The following DPP10 variants were observed in gnomAD, a reference collection of about 807,000 sequenced individuals.
The protein encoded by DPP10 is dipeptidyl peptidase like 10, also known as inactive dipeptidyl peptidase 10.
DPP10 carries 33 observed loss-of-function variants against 120.9 expected under a neutral mutation model. The observed-to-expected ratio is 0.27, with a 90% confidence interval of 0.21 to 0.37. The LOEUF is 0.37. Among genes scored for constraint, DPP10 ranks in the 10% least tolerant of loss-of-function variants. The pLI, the probability that DPP10 is intolerant of heterozygous loss-of-function variation, is 1.00. For missense variants in DPP10, 816 were observed against 942.8 expected (o/e 0.87, Z 1.76); for synonymous variants, 337 against 326.1 (o/e 1.03, Z -0.36).
chr2:115,026,560 G>A (rs547625669), intron 1 of DPP10, among the ~76,000 whole-genome samples: 1 of 152,194 alleles, frequency 6.6e-6, no homozygotes, highest in African/African-American at 2.4e-5. Context: ...TTTTGAGACA[G>A]ACTCTCACTC....
At chr2:114,502,144 C>T (rs149219021) in intron 1 of DPP10, among the ~76,000 whole-genome samples, 1,849 of 151,910 alleles carry the variant, frequency 0.012, 36 homozygotes, top group African/African-American at 0.043. Context: ...TTAGTAGAGA[C>T]GGGGTTTATC....
intron 2 of DPP10, among the ~76,000 whole-genome samples, chr2:115,329,362 C>T (rs11885726): frequency 0.44 from 66,856 of 151,852 alleles, 15,665 homozygotes; most frequent in Non-Finnish European, 0.53. Context: ...ACCCAGGAAA[C>T]AAATTAAATT....
Position 114,533,772 on chromosome 2 carries a change from G to A in DPP10, c.60+90934G>A, listed in dbSNP as rs571220801. ...AATAATTTTCCTTCAAAATTTCAAAGGCATTTTTCAATGTTTCCTTTCAGG... is the reference window on the plus strand; with the variant it reads ...AATAATTTTCCTTCAAAATTTCAAAAGCATTTTTCAATGTTTCCTTTCAGG... On this transcript the variant is annotated intron_variant, in intron 1 of 25. Transcript: ENST00000410059. 2.2e-3 allele frequency among the ~76,000 whole-genome samples: 334 copies of A among 152,198 alleles called. 2 individuals carry two copies. The highest frequency in any genetic ancestry group is 3.1e-3 in the Non-Finnish European group (211 of 68,002).
chr2:115,279,818 C>T (rs546218102), intron 1 of DPP10, among the ~76,000 whole-genome samples: 10 of 151,638 alleles, frequency 6.6e-5, no homozygotes, highest in African/African-American at 1.7e-4. Context: ...CAGGGCACCA[C>T]GCCCAGCTAA....
chr2:115,356,518 C>T (rs1372361768), intron 3 of DPP10, among the ~76,000 whole-genome samples: 4 of 152,074 alleles, frequency 2.6e-5, no homozygotes, highest in Non-Finnish European at 5.9e-5. Flanking sequence ...AATTTGACTT[C>T]CTCTCTTCCT....
At chr2:115,556,161 A>T (rs1053691709) in intron 5 of DPP10, among the ~76,000 whole-genome samples, 1 of 152,072 alleles carries the variant, frequency 6.6e-6, no homozygotes, top group African/African-American at 2.4e-5. Flanking sequence ...AGTGGTAAAG[A>T]TGAGCAACCT....
At chr2:115,568,320 G>C (rs1020443144) in intron 5 of DPP10, among the ~76,000 whole-genome samples, 3 of 151,976 alleles carry the variant, frequency 2.0e-5, no homozygotes, top group Non-Finnish European at 2.9e-5. Context: ...CCATGTCTAG[G>C]AAAAATACAA....
chr2:114,626,540 G>A (rs1390830053), intron 1 of DPP10, among the ~76,000 whole-genome samples: 1 of 151,940 alleles, frequency 6.6e-6, no homozygotes. Flanking sequence ...GAATTTGGCG[G>A]GGTGGTCACT....
intron 1 of DPP10, among the ~76,000 whole-genome samples, chr2:114,493,631 G>GT (rs1682198642): frequency 6.6e-6 from 1 of 151,748 alleles, no homozygotes; most frequent in African/African-American, 2.4e-5. Context: ...TTTCGACTTG[G>GT]AAGACTGGAG....
intron 1 of DPP10, among the ~76,000 whole-genome samples, chr2:114,886,793 G>A (rs1203129646): frequency 6.6e-6 from 1 of 152,136 alleles, no homozygotes; most frequent in Non-Finnish European, 1.5e-5. Flanking sequence ...ATGTAGTCGA[G>A]GCCTTGCTCT....
chr2:115,183,699 A>T (rs1011762965), intron 1 of DPP10, among the ~76,000 whole-genome samples: 1 of 152,234 alleles, frequency 6.6e-6, no homozygotes. Context: ...AAAGCTGATA[A>T]AGTCAGAGTG....
chr2:114,960,447 T>C (rs1174139563), intron 1 of DPP10, among the ~76,000 whole-genome samples: 3 of 151,018 alleles, frequency 2.0e-5, no homozygotes, highest in African/African-American at 7.3e-5. Context: ...AACCAAAAAA[T>C]TGGGATACTA....
intron 1 of DPP10, among the ~76,000 whole-genome samples, chr2:114,854,542 A>G (rs1689221545): frequency 1.3e-5 from 2 of 152,168 alleles, no homozygotes; most frequent in South Asian, 4.1e-4. Context: ...CTTCAGGAAG[A>G]GTTTACCATC....
chr2:114,679,774 T>C (rs1429711195), intron 1 of DPP10, among the ~76,000 whole-genome samples: 4 of 152,038 alleles, frequency 2.6e-5, no homozygotes, highest in Admixed American at 2.6e-4. Flanking sequence ...TTCTCACTGA[T>C]TACAAGAATG....
intron 24 of DPP10, among the ~76,000 whole-genome samples, chr2:115,836,967 T>C (rs1340898871): frequency 6.6e-6 from 1 of 152,208 alleles, no homozygotes; most frequent in East Asian, 1.9e-4. Flanking sequence ...TCAAACTCCC[T>C]GTAATGATGG....
At chr2:115,083,011 AT>A (rs1328119766) in intron 1 of DPP10, among the ~76,000 whole-genome samples, 1 of 152,230 alleles carries the variant, frequency 6.6e-6, no homozygotes, top group African/African-American at 2.4e-5. Flanking sequence ...TAATGAGACT[AT>A]TTTACAGTAT....
rs548616812 is a variant in DPP10 at position 115,616,385 on chromosome 2, G to A, written c.442-73302G>A. ...CAGAGAATGAAGCCTCGCAACCATGGTTATGCCGCTACTATGTAAGGAATT... is the reference window on the plus strand; with the variant it reads ...CAGAGAATGAAGCCTCGCAACCATGATTATGCCGCTACTATGTAAGGAATT... On this transcript the variant is annotated intron_variant, in intron 5 of 25. Transcript: ENST00000410059. Among the ~76,000 whole-genome samples the A allele has an allele frequency of 2.6e-5, 4 of 151,544 alleles. No homozygotes were observed. In the East Asian group the frequency reaches 5.8e-4, roughly 22 times the overall value.
intron 7 of DPP10, among the ~76,000 whole-genome samples, chr2:115,717,647 G>T (rs2092538029): frequency 1.3e-5 from 2 of 152,092 alleles, no homozygotes; most frequent in Non-Finnish European, 2.9e-5. Flanking sequence ...CAAAGAGAAA[G>T]TTGGAATTTC....
rs181112702 is a variant in DPP10 at position 114,754,723 on chromosome 2, G to A, written c.60+311885G>A. Among the ~76,000 whole-genome samples the A allele has an allele frequency of 5.3e-4, 80 of 151,936 alleles. 1 individual carries two copies. The highest frequency in any genetic ancestry group is 3.4e-3 in the Middle Eastern group (1 of 294). On this transcript the variant is annotated intron_variant, in intron 1 of 25. Transcript: ENST00000410059. The stretch of plus-strand genomic sequence containing the variant: ...TGTGGCCAAGGCAGCCTGTTCACTC[G>A]TGTGGAAATGGCATTTCTAAGCATT...
Sources: allele counts gnomAD v4.1 joint callset (sites outside exome capture counted in the v4.1 genomes callset), GRCh38; gene constraint gnomAD v4.1.1; transcripts MANE v1.5; gene names NCBI Gene and HGNC (gene_info 2026-07-23, HGNC 2026-07-21).